Variants in BRDT observed in about 807,000 individuals in gnomAD.
BRDT encodes the protein bromodomain testis associated.
Under a neutral mutation model 113.9 loss-of-function variants are expected in BRDT, and 77 were observed. The observed-to-expected ratio is 0.68, with a 90% CI of 0.56 to 0.82. The LOEUF is 0.82. Among genes scored for constraint, BRDT ranks in the 40% least tolerant of loss-of-function variants. The probability of loss-of-function intolerance (pLI) is 0.00; values close to 1 mark genes in which losing one functional copy is unlikely to be tolerated. For synonymous variants in BRDT, 358 were observed against 366.5 expected, an observed-to-expected ratio of 0.98 and a Z score of 0.26; for missense variants, 1,027 against 1,105.4, an observed-to-expected ratio of 0.93 and a Z score of 1.01.
rs1156847883 is a variant in BRDT at position 91,984,541 on chromosome 1, A to G, written c.2002+2786A>G. On this transcript the variant is annotated intron_variant, in intron 12 of 18. Transcript: ENST00000399546. The stretch of plus-strand genomic sequence containing the variant: ...TTACTAAGAAAATTTAATTTATGAA[A>G]ATTAGGCACATCAGCAAAAGCTTTA... Among the ~76,000 whole-genome samples the G allele has an allele frequency of 2.6e-5, 4 of 152,220 alleles. No individual in the cohort carries two copies. In the East Asian group the frequency reaches 7.7e-4, roughly 29 times the overall value.
At chr1:91,978,121 T>C in intron 6 of BRDT, 47 bp from the exon 7 acceptor site, 3 of 1,528,752 alleles carry the variant, frequency 2.0e-6, no homozygotes, top group Non-Finnish European at 1.8e-6. Flanking sequence ...GTCAAATAAT[T>C]ATTGAATTGA....
intron 4 of BRDT, among the ~76,000 whole-genome samples, chr1:91,973,275 A>C (rs915474785): frequency 6.6e-6 from 1 of 152,070 alleles, no homozygotes; most frequent in African/African-American, 2.4e-5. Flanking sequence ...GCTCTTTTTT[A>C]GTTCCATATG....
chr1:91,954,923 T>C (rs780765657), intron 1 of BRDT, among the ~76,000 whole-genome samples: 9 of 152,266 alleles, frequency 5.9e-5, no homozygotes, highest in East Asian at 1.9e-4. Context: ...ATCATGCCAC[T>C]GCACTCCAGC....
Position 91,978,234 on chromosome 1 carries a change from A to C in BRDT, c.1036A>C (p.Met346Leu). Residue 346 changes from methionine to leucine, a missense_variant, in exon 7 of 19, where the codon ATG becomes CTG. Coordinates refer to ENST00000399546, the MANE Select transcript of BRDT (RefSeq NM_207189.4). ...TGCGGCAGATGTTAGATTAATGTTC[A>C]TGAATTGCTACAAGTACAATCCTCC... ...KFAADVRLMF[M>L]NCYKYNPPDH... 1 of 1,614,150 alleles carries C rather than the reference A, an allele frequency of 6.2e-7. No homozygotes were observed. The highest frequency in any genetic ancestry group is 8.5e-7 in the Non-Finnish European group (1 of 1,180,008).
chr1:91,966,131 C>T (rs1399419280), intron 3 of BRDT, among the ~76,000 whole-genome samples: 1 of 152,020 alleles, frequency 6.6e-6, no homozygotes, highest in Non-Finnish European at 1.5e-5. Context: ...TGGCTCTCAT[C>T]CATAAAATTG....
At chr1:91,967,832 G>A (rs1683232813) in intron 3 of BRDT, among the ~76,000 whole-genome samples, 1 of 152,128 alleles carries the variant, frequency 6.6e-6, no homozygotes, top group Admixed American at 6.6e-5. Flanking sequence ...CATGCCTGGC[G>A]AAATTCTCAG....
At position 91,992,274 on chromosome 1, in the gene BRDT, A is replaced by G. The variant is rs746515334; in HGVS notation, c.2075A>G (p.Asn692Ser). Residue 692 changes from asparagine to serine, a missense_variant, in exon 14 of 19, where the codon AAT (asparagine) becomes AGT (serine). Coordinates refer to ENST00000399546, the MANE Select transcript of BRDT (RefSeq NM_207189.4). The stretch of plus-strand genomic sequence containing the variant: ...TATAATTATTTTTAGAAAATGAAGA[A>G]TGAATGCATACCGCCTGAAGGAAGA... ...PSKENVKKMK[N>S]ECIPPEGRTG... The G allele has an allele frequency of 2.0e-6, 3 of 1,491,988 alleles. No homozygotes were observed. The highest frequency in any genetic ancestry group is 4.5e-5 in the Admixed American group (2 of 44,494). The allele number at this position is 1,491,988 out of a possible 1,614,324, so 92.4% of individuals were successfully genotyped here.
intron 15 of BRDT, among the ~76,000 whole-genome samples, chr1:92,001,669 C>T (rs966153289): frequency 7.9e-5 from 12 of 151,446 alleles, no homozygotes; most frequent in African/African-American, 2.9e-4. Context: ...GTACTTCAGC[C>T]TAGAGCATCA....
Position 91,949,648 on chromosome 1 carries a change from TG to T in BRDT, c.-71del, listed in dbSNP as rs1332334633. The T allele has an allele frequency of 6.6e-6, 1 of 152,246 alleles. No individual in the cohort carries two copies. Among genetic ancestry groups the T allele is most frequent in the Non-Finnish European group, 1.5e-5 (1 of 68,094 alleles). 9.4% of individuals were successfully genotyped at this position (152,246 alleles called of 1,614,324 possible). ...AACATCGTGCGACAGTCCGGGCAGT[TG>T]AGAAGGCCACCCCGCTTCGTGCCTG... On this transcript the variant is annotated 5_prime_UTR_variant, in exon 1 of 19. Coordinates refer to ENST00000399546, the MANE Select transcript of BRDT (RefSeq NM_207189.4).
At chr1:92,001,782 G>T (rs1686874825) in intron 15 of BRDT, among the ~76,000 whole-genome samples, 1 of 151,596 alleles carries the variant, frequency 6.6e-6, no homozygotes, top group Admixed American at 6.6e-5. Flanking sequence ...AAAAGGTTTT[G>T]GTGGGTGAGT....
chr1:91,978,997 C>CAAA lies in BRDT; in HGVS notation c.1099-558_1099-556dup, dbSNP rs774952902. On this transcript the variant is annotated intron_variant, in intron 7 of 18. Coordinates refer to ENST00000399546, the MANE Select transcript of BRDT (RefSeq NM_207189.4). ...TGGGCGACAGAGCGAGACTACGTCTCAAAAAAAAAAAAAAAACAACAACAA... is the reference window on the plus strand; with the variant it reads ...TGGGCGACAGAGCGAGACTACGTCTCAAAAAAAAAAAAAAAAAAACAACAACAA... 0.018 allele frequency among the ~76,000 whole-genome samples: 1,383 copies of CAAA among 77,028 alleles called. 59 individuals carry two copies. In the East Asian group the frequency reaches 0.23, roughly 13 times the overall value. 50.5% of individuals were successfully genotyped at this position (77,028 alleles called of 152,430 possible).
intron 4 of BRDT, among the ~76,000 whole-genome samples, chr1:91,968,470 C>T (rs931893560): frequency 6.6e-6 from 1 of 152,178 alleles, no homozygotes. Context: ...TTGATTATGG[C>T]CTCAGAGCCA....
At chr1:91,975,124 C>A (rs1398312895) in intron 4 of BRDT, among the ~76,000 whole-genome samples, 1 of 151,918 alleles carries the variant, frequency 6.6e-6, no homozygotes, top group Admixed American at 6.6e-5. Context: ...CACACCGGGG[C>A]CTGTCGTGGG....
At chr1:92,002,218 A>G in intron 16 of BRDT, 69 bp downstream of exon 16, 2 of 1,099,462 alleles carry the variant, frequency 1.8e-6, no homozygotes, top group East Asian at 5.1e-5. Context: ...GTGGTACAAG[A>G]GGTATTTAAA....
At position 91,976,295 on chromosome 1, in the gene BRDT, G is replaced by T; in HGVS notation, c.475G>T (p.Ala159Ser). 1 of 1,609,700 alleles carries T rather than the reference G, an allele frequency of 6.2e-7. No individual in the cohort carries two copies. The highest frequency in any genetic ancestry group is 8.5e-7 in the Non-Finnish European group (1 of 1,178,676). ...GTQQNIAVSS[A>S]KEKSSPSATE... ...TCAACAGAATATAGCTGTTTCTTCT[G>T]CTAAAGAAAAATCATCACCCAGCGC... Residue 159 changes from alanine (A) to serine (S), a missense_variant, in exon 5 of 19, where the codon GCT (alanine) becomes TCT (serine). Physicochemically the swap from Ala to Ser is moderately conservative, Grantham distance 99. Coordinates refer to ENST00000399546, the MANE Select transcript of BRDT (RefSeq NM_207189.4).
chr1:91,969,790 TGTTTAA>T (rs1281781688), intron 4 of BRDT, among the ~76,000 whole-genome samples: 1 of 151,520 alleles, frequency 6.6e-6, no homozygotes, highest in Non-Finnish European at 1.5e-5. Context: ...AACTTTCAAG[TGTTTAA>T]GTTTTTTTGT....
intron 4 of BRDT, among the ~76,000 whole-genome samples, chr1:91,968,718 CT>C (rs1226454626): frequency 6.6e-6 from 1 of 152,068 alleles, no homozygotes; most frequent in African/African-American, 2.4e-5. Flanking sequence ...AGGAAATCAT[CT>C]TTACAACTAA....
chr1:91,993,096 T>C (rs924081586), intron 14 of BRDT, among the ~76,000 whole-genome samples: 1 of 152,186 alleles, frequency 6.6e-6, no homozygotes, highest in Non-Finnish European at 1.5e-5. Context: ...ATGTATATAT[T>C]TGTGTAGTTC....
At chr1:91,986,619 A>G (rs1257188857) in intron 12 of BRDT, among the ~76,000 whole-genome samples, 2 of 152,232 alleles carry the variant, frequency 1.3e-5, no homozygotes, top group Non-Finnish European at 2.9e-5. Flanking sequence ...AATGAAATTT[A>G]TAAGTTCTTT....
Sources: allele counts gnomAD v4.1 joint callset (sites outside exome capture counted in the v4.1 genomes callset), GRCh38; gene constraint gnomAD v4.1.1; transcripts MANE v1.5; gene names NCBI Gene and HGNC (gene_info 2026-07-23, HGNC 2026-07-21).